Variants in DISP1 observed in about 807,000 individuals in gnomAD.
The protein encoded by DISP1 is protein dispatched homolog 1.
DISP1 carries 30 observed loss-of-function variants against 37.3 expected under a neutral mutation model. The observed-to-expected ratio is 0.80, with a 90% CI of 0.60 to 1.09. The LOEUF (loss-of-function observed/expected upper bound fraction) is 1.09, where lower values mean the gene tolerates loss of function less well. Among genes scored for constraint, DISP1 ranks in the 50% least tolerant of loss-of-function variants. The pLI is 0.00. For synonymous variants in DISP1, 634 were observed against 690.2 expected, an observed-to-expected ratio of 0.92 and a Z score of 1.28; for missense variants, 1,598 against 1,879.5, an observed-to-expected ratio of 0.85 and a Z score of 2.77.
At chr1:222,869,202 C>T (rs1230939973) in intron 1 of DISP1, among the ~76,000 whole-genome samples, 1 of 152,016 alleles carries the variant, frequency 6.6e-6, no homozygotes, top group African/African-American at 2.4e-5. Context: ...TGTCCATGGT[C>T]TTAAGAGGCT....
At chr1:222,963,436 G>C (rs1676212918) in intron 3 of DISP1, among the ~76,000 whole-genome samples, 1 of 152,042 alleles carries the variant, frequency 6.6e-6, no homozygotes, top group South Asian at 2.1e-4. Flanking sequence ...ATACCTAAAG[G>C]ATTATAAATC....
At chr1:222,935,377 C>T (rs1039463623) in intron 2 of DISP1, among the ~76,000 whole-genome samples, 1 of 152,152 alleles carries the variant, frequency 6.6e-6, no homozygotes, top group African/African-American at 2.4e-5. Context: ...AATACATCAT[C>T]TGAGTGTACA....
chr1:222,835,331 G>T (rs1666777757), intron 1 of DISP1: 1 of 152,068 alleles, frequency 6.6e-6, no homozygotes, highest in Non-Finnish European at 1.5e-5. Flanking sequence ...TCAGACTATA[G>T]AACATCCCTA....
At chr1:222,909,593 CCA>C (rs1167778630) in intron 1 of DISP1, among the ~76,000 whole-genome samples, 2 of 152,174 alleles carry the variant, frequency 1.3e-5, no homozygotes, top group African/African-American at 4.8e-5. Context: ...CAGGAGAGTT[CCA>C]GTCACATAGC....
chr1:222,922,470 A>G (rs545245107), intron 1 of DISP1, among the ~76,000 whole-genome samples: 2 of 152,306 alleles, frequency 1.3e-5, no homozygotes, highest in South Asian at 2.1e-4. Context: ...GAACAAGGGT[A>G]TACAGGGTGT....
intron 1 of DISP1, among the ~76,000 whole-genome samples, chr1:222,907,942 C>A (rs1484202123): frequency 2.6e-5 from 4 of 152,026 alleles, no homozygotes; most frequent in Non-Finnish European, 5.9e-5. Flanking sequence ...GAGCAAGACT[C>A]CATCTCAAAA....
chr1:222,849,300 C>T (rs771164984), intron 1 of DISP1, among the ~76,000 whole-genome samples: 8 of 152,150 alleles, frequency 5.3e-5, no homozygotes, highest in Non-Finnish European at 7.4e-5. Flanking sequence ...CAAGGGGCAA[C>T]CCTGCTTTCA....
chr1:222,949,734 C>T (rs2125511868), intron 3 of DISP1, among the ~76,000 whole-genome samples: 1 of 152,312 alleles, frequency 6.6e-6, no homozygotes, highest in Middle Eastern at 3.4e-3. Context: ...TCAACGGATT[C>T]TTCTGCCTCA....
rs916225434 is a variant in DISP1, at chr1:222,928,440, C to T, written c.-148C>T. 1.3e-5 allele frequency: 2 copies of T among 152,228 alleles called. No homozygotes were observed. The highest frequency in any genetic ancestry group is 2.9e-5 in the Non-Finnish European group (2 of 68,064). 9.4% of individuals were successfully genotyped at this position (152,228 alleles called of 1,614,324 possible). A position where few individuals can be genotyped will look rare whatever the true frequency, so the allele number is the denominator to read the frequency against. On this transcript the variant is annotated 5_prime_UTR_variant, in exon 2 of 9. Transcript: ENST00000675850. ...GTGCTTGTCATTCAGTCTGTCCTGC[C>T]GCTCTGTGGAGCTGCGCCTGCCAAC...
chr1:222,981,173 A>C (rs1280553063), intron 3 of DISP1, among the ~76,000 whole-genome samples: 1 of 152,262 alleles, frequency 6.6e-6, no homozygotes, highest in Non-Finnish European at 1.5e-5. Context: ...TTTCTGTATA[A>C]GAGGTTAATA....
chr1:222,919,152 T>G (rs920542356), intron 1 of DISP1, among the ~76,000 whole-genome samples: 12 of 152,194 alleles, frequency 7.9e-5, no homozygotes, highest in African/African-American at 2.9e-4. Flanking sequence ...AGCCTGCAAT[T>G]GCCTTTCTTA....
At chr1:222,822,225 G>A (rs1220856192) in intron 1 of DISP1, among the ~76,000 whole-genome samples, 1 of 152,182 alleles carries the variant, frequency 6.6e-6, no homozygotes, top group African/African-American at 2.4e-5. Context: ...AACCAGACCT[G>A]GAAACCATTT....
chr1:222,990,014 G>A (rs1238385714), intron 4 of DISP1, among the ~76,000 whole-genome samples: 1 of 152,142 alleles, frequency 6.6e-6, no homozygotes, highest in Non-Finnish European at 1.5e-5. Context: ...GTGTTAGTCA[G>A]GATGGTCTCG....
intron 2 of DISP1, among the ~76,000 whole-genome samples, chr1:222,928,990 C>T (rs1300116623): frequency 3.3e-5 from 5 of 152,146 alleles, no homozygotes; most frequent in African/African-American, 7.2e-5. Context: ...GTAGGAATCA[C>T]ATTAGTCACT....
At chr1:222,874,231 G>T (rs1173574760) in intron 1 of DISP1, among the ~76,000 whole-genome samples, 4 of 152,002 alleles carry the variant, frequency 2.6e-5, no homozygotes, top group Admixed American at 2.6e-4. Context: ...TTCAACTTTG[G>T]TGAATCTGAC....
chr1:222,872,395 G>A (rs1027547915), intron 1 of DISP1: 4 of 152,128 alleles, frequency 2.6e-5, no homozygotes, highest in Non-Finnish European at 4.4e-5. Context: ...GGTAGAATTC[G>A]GCTGTGAATC....
At chr1:222,990,159 GT>G (rs1172366609) in intron 4 of DISP1, among the ~76,000 whole-genome samples, 2 of 152,146 alleles carry the variant, frequency 1.3e-5, no homozygotes, top group Non-Finnish European at 2.9e-5. Context: ...GACTCTCACT[GT>G]TTAAGAACTC....
At chr1:222,868,346 T>G (rs528213367) in intron 1 of DISP1, among the ~76,000 whole-genome samples, 1 of 152,096 alleles carries the variant, frequency 6.6e-6, no homozygotes, top group Non-Finnish European at 1.5e-5. Context: ...ACTCTACATA[T>G]ATATATGTGT....
chr1:222,878,609 C>T (rs995764165), intron 1 of DISP1, among the ~76,000 whole-genome samples: 1 of 152,046 alleles, frequency 6.6e-6, no homozygotes, highest in African/African-American at 2.4e-5. Context: ...GGTAAGATCT[C>T]CAGGGAGGAG....
Sources: allele counts gnomAD v4.1 joint callset (sites outside exome capture counted in the v4.1 genomes callset), GRCh38; gene constraint gnomAD v4.1.1; transcripts MANE v1.5; gene names NCBI Gene and HGNC (gene_info 2026-07-23, HGNC 2026-07-21).